The following WBP11 variants were observed in gnomAD, a reference collection of about 807,000 sequenced individuals.
WBP11 encodes the protein WW domain binding protein 11, also known as WW domain-binding protein 11.
WBP11 carries 12 observed loss-of-function variants against 66.7 expected under a neutral mutation model. The observed-to-expected ratio is 0.18, with a 90% confidence interval of 0.12 to 0.29. The LOEUF (loss-of-function observed/expected upper bound fraction) is 0.29, where lower values mean the gene tolerates loss of function less well. Among genes scored for constraint, WBP11 ranks in the 10% least tolerant of loss-of-function variants. The pLI, the probability that WBP11 is intolerant of heterozygous loss-of-function variation, is 1.00. For missense variants in WBP11, 555 were observed against 818.3 expected, an observed-to-expected ratio of 0.68 and a Z score of 3.93; for synonymous variants, 255 against 273.8, an observed-to-expected ratio of 0.93 and a Z score of 0.68.
At chr12:14,789,158 A>G in intron 10 of WBP11, 25 bp from the exon 11 acceptor site, 1 of 1,518,072 alleles carries the variant, frequency 6.6e-7, no homozygotes, top group Non-Finnish European at 8.7e-7. Flanking sequence ...ATGATAAATT[A>G]ATGTCACACA....
chr12:14,785,448 T>C lies in WBP11; in HGVS notation c.*1617A>G, dbSNP rs1565670000. 6.6e-6 allele frequency: 1 copy of C among 152,150 alleles called. No individual in the cohort carries two copies. The highest frequency in any genetic ancestry group is 2.4e-5 in the African/African-American group (1 of 41,436). The allele number at this position is 152,150 out of a possible 1,614,324, so 9.4% of individuals were successfully genotyped here. A position where few individuals can be genotyped will look rare whatever the true frequency, so the allele number is the denominator to read the frequency against. ...AAGTTATCAAGGATGGTGTCAAGGA[T>C]TGATAACATAAGGTTCAATCCTTAC... On this transcript the variant is annotated 3_prime_UTR_variant, in exon 12 of 12. Transcript: ENST00000261167.
rs369597060 is a variant in WBP11, at chr12:14,793,776, G to A, written c.868C>T (p.His290Tyr). The A allele has an allele frequency of 6.5e-5, 105 of 1,613,704 alleles. No homozygotes were observed. The highest frequency in any genetic ancestry group is 1.7e-4 in the Admixed American group (10 of 59,986). ...DGESDGDEFV[H>Y]RDNGERDNNE... ...TTGTCTCTCTCACCATTATCACGGT[G>A]CACAAATTCATCCCCGTCACTTTCT... is the stretch of plus-strand genomic sequence containing the variant. Residue 290 changes from histidine (H) to tyrosine (Y), a missense_variant, in exon 8 of 12, where the codon CAC (histidine) becomes TAC (tyrosine). Physicochemically the swap from His to Tyr is moderately conservative, Grantham distance 83. This residue lies in a region of WBP11 where 220 missense variants were observed against 268.2 expected (regional missense o/e 0.82). Transcript: ENST00000261167.
rs1949737133 is a variant in WBP11, at chr12:14,785,160, A to G, written c.*1905T>C. 1 of 152,234 alleles carries G rather than the reference A, an allele frequency of 6.6e-6. No homozygotes were observed. Among genetic ancestry groups the G allele is most frequent in the Non-Finnish European group, 1.5e-5 (1 of 68,076 alleles). 9.4% of individuals were successfully genotyped at this position (152,234 alleles called of 1,614,324 possible). A position where few individuals can be genotyped will look rare whatever the true frequency, so the allele number is the denominator to read the frequency against. On this transcript the variant is annotated 3_prime_UTR_variant, in exon 12 of 12. Coordinates refer to ENST00000261167, the MANE Select transcript of WBP11 (RefSeq NM_016312.3). ...GTGGCACGTATCTGAAGTTCCAACT[A>G]CTTGGGAGGCTGAGGCCAGAGATCA... is the stretch of plus-strand genomic sequence containing the variant.
rs1259798170 is a variant in WBP11 at position 14,790,610 on chromosome 12, A to G, written c.1155T>C (p.Thr385=). Residue 385 remains threonine, a synonymous_variant, in exon 10 of 12, where the codon ACT becomes ACC. Transcript: ENST00000261167. ...KEESHSDGTS[T]ASSQQQAPPQ... ...GCGGAGCCTGCTGCTGTGAAGAAGCAGTGGATGTGCCATCAGAATGGGATT... is the reference window on the plus strand; with the variant it reads ...GCGGAGCCTGCTGCTGTGAAGAAGCGGTGGATGTGCCATCAGAATGGGATT... The G allele has an allele frequency of 6.2e-7, 1 of 1,613,970 alleles. No homozygotes were observed. The highest frequency in any genetic ancestry group is 1.3e-5 in the African/African-American group (1 of 74,944).
At position 14,803,353 on chromosome 12, in the gene WBP11, C is replaced by G. The variant is rs1415706730; in HGVS notation, c.-47G>C. The G allele has an allele frequency of 2.5e-6, 1 of 398,602 alleles. No homozygotes were observed. The highest frequency in any genetic ancestry group is 2.1e-5 in the African/African-American group (1 of 48,644). The allele number at this position is 398,602 out of a possible 1,614,324, so 24.7% of individuals were successfully genotyped here. ...AGTAAATCAATTCAATACACTCACA[C>G]TTCTGCTGTGCTCCCAGGACTACGA... On this transcript the variant is annotated splice_region_variant and 5_prime_UTR_variant, in exon 1 of 12. Transcript: ENST00000261167.
In WBP11 at chr12:14,796,008, A is replaced by G. The variant is rs140616123; in HGVS notation, c.387+799T>C. ...TCAGTAAGTTTTGACAAATGCATATACCTCATACTCCTTCCCAATCCATCT... is the reference window on the plus strand; with the variant it reads ...TCAGTAAGTTTTGACAAATGCATATGCCTCATACTCCTTCCCAATCCATCT... On this transcript the variant is annotated intron_variant, in intron 5 of 11. Coordinates refer to ENST00000261167, the MANE Select transcript of WBP11 (RefSeq NM_016312.3). This position sits in a 1 kb window ranked among gnomAD's most constrained non-coding sequence, Gnocchi z 4.5. Among the ~76,000 whole-genome samples the G allele has an allele frequency of 1.0e-3, 152 of 152,280 alleles. 1 individual carries two copies. The highest frequency in any genetic ancestry group is 3.4e-3 in the African/African-American group (141 of 41,560).
intron 9 of WBP11, 63 bp from the exon 10 acceptor site, chr12:14,790,812 C>G: frequency 1.4e-6 from 2 of 1,471,202 alleles, no homozygotes; most frequent in Non-Finnish European, 9.3e-7. Context: ...TGGAGAACAG[C>G]AATGACTGAA....
intron 11 of WBP11, among the ~76,000 whole-genome samples, chr12:14,788,347 T>C (rs1216729129): frequency 2.0e-5 from 3 of 152,128 alleles, no homozygotes; most frequent in Admixed American, 1.3e-4. Flanking sequence ...ATACACAATA[T>C]TCATATACCA....
intron 1 of WBP11, among the ~76,000 whole-genome samples, chr12:14,802,221 T>G (rs537632026): frequency 5.3e-5 from 8 of 152,236 alleles, no homozygotes; most frequent in African/African-American, 1.9e-4. Context: ...CACAGTACCC[T>G]ATTACATGAC....
chr12:14,803,347 C>T lies in WBP11; in HGVS notation c.-46+5G>A, dbSNP rs1592225577. ...AAGAGTAGTAAATCAATTCAATACA[C>T]TCACACTTCTGCTGTGCTCCCAGGA... On this transcript the variant is annotated splice_donor_5th_base_variant and intron_variant, in intron 1 of 11. Transcript: ENST00000261167. 1 of 398,662 alleles carries T rather than the reference C, an allele frequency of 2.5e-6. No individual in the cohort carries two copies. Among genetic ancestry groups the T allele is most frequent in the East Asian group, 3.6e-5 (1 of 28,070 alleles). 24.7% of individuals were successfully genotyped at this position (398,662 alleles called of 1,614,324 possible).
Position 14,796,745 on chromosome 12 carries a change from A to AT in WBP11, c.387+61dup. The AT allele has an allele frequency of 6.8e-7, 1 of 1,481,170 alleles. No individual in the cohort carries two copies. Among genetic ancestry groups the AT allele is most frequent in the South Asian group, 1.3e-5 (1 of 75,470 alleles). 91.8% of individuals were successfully genotyped at this position (1,481,170 alleles called of 1,614,324 possible). A position where few individuals can be genotyped will look rare whatever the true frequency, so the allele number is the denominator to read the frequency against. ...ACACTTCTGGTCCCAAGCACTTTGC[A>AT]TAAGGGATACTCAATCTGTATAATA... On this transcript the variant is annotated intron_variant, in intron 5 of 11. Transcript: ENST00000261167. This position sits in a 1 kb window ranked among gnomAD's most constrained non-coding sequence, Gnocchi z 4.5.
intron 6 of WBP11, 57 bp from the exon 7 acceptor site, chr12:14,794,793 T>C (rs891979801): frequency 5.9e-6 from 9 of 1,532,450 alleles, no homozygotes; most frequent in African/African-American, 1.4e-5. Flanking sequence ...TTAACAGTAA[T>C]GAGATATTTA....
At chr12:14,799,797 G>A (rs1949937674) in intron 3 of WBP11, 69 bp from the exon 4 acceptor site, 1 of 1,438,596 alleles carries the variant, frequency 7.0e-7, no homozygotes, top group Non-Finnish European at 9.5e-7. Flanking sequence ...CTTGCTTTAA[G>A]AATCTAAACA....
Position 14,796,948 on chromosome 12 carries a change from A to G in WBP11, c.246T>C (p.Arg82=). ...QLNEKVLKDK[R]KKLRETFERI... Reference sequence around the variant, plus strand: ...GTTCAAAGGTTTCACGCAGCTTTTTACGCTTGTCTTTCAGTACTTTCTCAT... The same window carrying G: ...GTTCAAAGGTTTCACGCAGCTTTTTGCGCTTGTCTTTCAGTACTTTCTCAT... Residue 82 remains arginine, a synonymous_variant, in exon 5 of 12, where the codon CGT becomes CGC. Transcript: ENST00000261167. This position sits in a 1 kb window ranked among gnomAD's most constrained non-coding sequence, Gnocchi z 4.5. 6.2e-7 allele frequency: 1 copy of G among 1,610,256 alleles called. No homozygotes were observed. The highest frequency in any genetic ancestry group is 8.5e-7 in the Non-Finnish European group (1 of 1,178,956).
At position 14,791,214 on chromosome 12, in the gene WBP11, T is replaced by C; in HGVS notation, c.970A>G (p.Met324Val). 6.2e-7 allele frequency: 1 copy of C among 1,614,176 alleles called. No individual in the cohort carries two copies. Among genetic ancestry groups the C allele is most frequent in the Non-Finnish European group, 8.5e-7 (1 of 1,180,020 alleles). The change falls in exon 9 of 12, where the codon ATG becomes GTG. Residue 324 changes from methionine to valine, a missense_variant. Around this residue, in one of 6 missense-constraint regions of WBP11, gnomAD observed 220 missense variants for 268.2 expected, o/e 0.82. Coordinates refer to ENST00000261167, the MANE Select transcript of WBP11 (RefSeq NM_016312.3). Reference protein sequence around the residue: ...PGKSRKKKKNMKELTPLQAMM... With the variant: ...PGKSRKKKKNVKELTPLQAMM... ...GCTTGAAGAGGAGTCAGTTCCTTCA[T>C]GTTCTTCTTTTTCTTCCTTGATTTT...
intron 1 of WBP11, among the ~76,000 whole-genome samples, chr12:14,803,047 C>T (rs1231297120): frequency 6.6e-6 from 1 of 152,188 alleles, no homozygotes; most frequent in Non-Finnish European, 1.5e-5. Flanking sequence ...GGAGGCAACA[C>T]CAGCAACTGA....
At position 14,794,952 on chromosome 12, in the gene WBP11, T is replaced by C; in HGVS notation, c.521+19A>G. 1.2e-6 allele frequency: 2 copies of C among 1,612,132 alleles called. No individual in the cohort carries two copies. ...GTGCCTTTACTAAATGCTCTCTGAT[T>C]GTGACACTGCTTCCTTACCCATAGG... On this transcript the variant is annotated intron_variant, in intron 6 of 11. Transcript: ENST00000261167.
rs770380422 is a variant in WBP11, at chr12:14,793,751, T to C, written c.893A>G (p.Asn298Ser). The C allele has an allele frequency of 4.3e-6, 7 of 1,614,070 alleles. No individual in the cohort carries two copies. In the East Asian group the frequency reaches 1.1e-4, roughly 26 times the overall value. ...FVHRDNGERD[N>S]NEEKKSGLSV... ...CATACCTGACTTCTTTTCTTCATTG[T>C]TGTCTCTCTCACCATTATCACGGTG... Residue 298 changes from asparagine to serine, a missense_variant, in exon 8 of 12, where the codon AAC becomes AGC. Asn to Ser is a conservative substitution (Grantham distance 46). Coordinates refer to ENST00000261167, the MANE Select transcript of WBP11 (RefSeq NM_016312.3).
At chr12:14,788,589 A>G (rs1949783203) in intron 11 of WBP11, among the ~76,000 whole-genome samples, 1 of 152,180 alleles carries the variant, frequency 6.6e-6, no homozygotes, top group African/African-American at 2.4e-5. Context: ...CAAGCCCACA[A>G]GAAAATCTGC....
Sources: allele counts gnomAD v4.1 joint callset (sites outside exome capture counted in the v4.1 genomes callset), GRCh38; gene constraint gnomAD v4.1.1; regional missense constraint gnomAD v4.1.1; non-coding constraint Gnocchi (gnomAD v3.1); transcripts MANE v1.5; gene names NCBI Gene and HGNC (gene_info 2026-07-23, HGNC 2026-07-21).